The following MGAT5 variants were observed in gnomAD, a reference collection of about 807,000 sequenced individuals.
The protein encoded by MGAT5 is alpha-1,6-mannosylglycoprotein 6-beta-N-acetylglucosaminyltransferase A.
Under a neutral mutation model 94.3 loss-of-function variants are expected in MGAT5, and 30 were observed. The observed-to-expected ratio is 0.32, with a 90% CI of 0.24 to 0.43. MGAT5 has a LOEUF of 0.43. Ranked by LOEUF, MGAT5 falls within the 20% of genes least tolerant of loss-of-function variation. The pLI is 1.00. For synonymous variants in MGAT5, 310 were observed against 322.9 expected (o/e 0.96, Z 0.43); for missense variants, 691 against 905.5 (o/e 0.76, Z 3.04).
At chr2:134,121,950 G>C (rs1685615098) in intron 1 of MGAT5, among the ~76,000 whole-genome samples, 2 of 152,082 alleles carry the variant, frequency 1.3e-5, no homozygotes, top group Admixed American at 1.3e-4. Context: ...AGTTTTTCAT[G>C]AAGGGCAAAG....
At chr2:134,442,829 T>C (rs1685561852) in intron 15 of MGAT5, among the ~76,000 whole-genome samples, 1 of 145,136 alleles carries the variant, frequency 6.9e-6, no homozygotes, top group African/African-American at 2.5e-5. Flanking sequence ...ACCACCTTAG[T>C]AGCTCTGATT....
intron 1 of MGAT5, among the ~76,000 whole-genome samples, chr2:134,151,431 C>G (rs1352815515): frequency 5.6e-5 from 8 of 142,134 alleles, no homozygotes; most frequent in Non-Finnish European, 1.2e-4. Flanking sequence ...GGGACCCACT[C>G]ACCGCCATGG....
chr2:134,316,555 G>A (rs536909285), intron 2 of MGAT5, among the ~76,000 whole-genome samples: 4 of 152,212 alleles, frequency 2.6e-5, no homozygotes, highest in African/African-American at 7.2e-5. Flanking sequence ...CCATTAGACC[G>A]TAAGCTTCAT....
At chr2:134,396,639 G>C (rs559012656) in intron 10 of MGAT5, among the ~76,000 whole-genome samples, 23 of 152,344 alleles carry the variant, frequency 1.5e-4, no homozygotes, top group African/African-American at 5.5e-4. Context: ...GAAGGAATGT[G>C]CCGTGCCCGA....
At chr2:134,305,690 G>A (rs1686285935) in intron 2 of MGAT5, among the ~76,000 whole-genome samples, 1 of 152,124 alleles carries the variant, frequency 6.6e-6, no homozygotes. Context: ...ACCTCTCTTT[G>A]AGAGGTTGAA....
intron 1 of MGAT5, among the ~76,000 whole-genome samples, chr2:134,217,566 C>T (rs960517338): frequency 6.7e-4 from 102 of 152,264 alleles, no homozygotes; most frequent in African/African-American, 2.4e-3. Flanking sequence ...AGCAATTAAC[C>T]TCAGTAGGAA....
At chr2:134,361,147 GCTC>G (rs534026070) in intron 9 of MGAT5, among the ~76,000 whole-genome samples, 50 of 152,352 alleles carry the variant, frequency 3.3e-4, no homozygotes, top group African/African-American at 1.1e-3. Flanking sequence ...ATGGGAAATG[GCTC>G]CTCAGTCCTA....
At chr2:134,439,114 C>T (rs1685329630) in intron 14 of MGAT5, among the ~76,000 whole-genome samples, 1 of 152,166 alleles carries the variant, frequency 6.6e-6, no homozygotes, top group Non-Finnish European at 1.5e-5. Context: ...GAGAAGCTAG[C>T]ACCAAGTAAC....
At chr2:134,222,720 G>C (rs1484244462) in intron 1 of MGAT5, among the ~76,000 whole-genome samples, 1 of 152,250 alleles carries the variant, frequency 6.6e-6, no homozygotes, top group Non-Finnish European at 1.5e-5. Flanking sequence ...TTTTTCCTCC[G>C]CAGGACTCCC....
chr2:134,409,265 G>T (rs1683514462), intron 11 of MGAT5, among the ~76,000 whole-genome samples: 1 of 152,178 alleles, frequency 6.6e-6, no homozygotes, highest in South Asian at 2.1e-4. Flanking sequence ...GCAACCCCAT[G>T]AAATAAAGCA....
intron 1 of MGAT5, among the ~76,000 whole-genome samples, chr2:134,158,088 G>A (rs538723742): frequency 1.6e-4 from 25 of 152,282 alleles, no homozygotes; most frequent in African/African-American, 4.6e-4. Flanking sequence ...GTCCATGGGC[G>A]GCCATGGGCA....
intron 1 of MGAT5, among the ~76,000 whole-genome samples, chr2:134,173,471 C>T (rs1189037055): frequency 6.6e-6 from 1 of 152,164 alleles, no homozygotes; most frequent in Non-Finnish European, 1.5e-5. Context: ...TACTGTGCTG[C>T]GATTCTCACG....
chr2:134,378,130 T>A (rs1208670694), intron 10 of MGAT5, among the ~76,000 whole-genome samples: 1 of 152,218 alleles, frequency 6.6e-6, no homozygotes, highest in Non-Finnish European at 1.5e-5. Flanking sequence ...AAGTATGTTT[T>A]CTTTGGAGCT....
At position 134,245,775 on chromosome 2, in the gene MGAT5, T is replaced by C. The variant is rs188005000; in HGVS notation, c.-142-8487T>C. ...GAAGAGTGCATGTTCTGGACCCAGA[T>C]TCACCAGCCCTGTTACAGTGTTTGG... On this transcript the variant is annotated intron_variant, in intron 1 of 16. Coordinates refer to the MGAT5 transcript ENST00000409645. Among the ~76,000 whole-genome samples the C allele has an allele frequency of 2.4e-4, 36 of 152,320 alleles. No homozygotes were observed. In the East Asian group the frequency reaches 7.0e-3, roughly 29 times the overall value.
intron 9 of MGAT5, among the ~76,000 whole-genome samples, chr2:134,356,030 T>C (rs6722225): frequency 0.97 from 147,492 of 152,344 alleles, 71,486 homozygotes; most frequent in East Asian, 1. Context: ...AAACTATGTT[T>C]GTATAGTTTT....
chr2:134,343,522 A>G (rs1346846843), intron 7 of MGAT5, among the ~76,000 whole-genome samples: 1 of 152,204 alleles, frequency 6.6e-6, no homozygotes, highest in Non-Finnish European at 1.5e-5. Flanking sequence ...GTCTTTAAAT[A>G]TATCTGTACG....
At position 134,376,684 on chromosome 2, in the gene MGAT5, A is replaced by G. The variant is rs16830516; in HGVS notation, c.1380+14276A>G. The stretch of plus-strand genomic sequence containing the variant: ...AAGAAATTATCCCTCATCCTCATGC[A>G]GTGGCTCAGTGGAAGCAGCTGAAAC... On this transcript the variant is annotated intron_variant, in intron 10 of 15. Coordinates refer to ENST00000281923, the MANE Select transcript of MGAT5 (RefSeq NM_002410.5). Among the ~76,000 whole-genome samples, 1,080 of 152,324 alleles carry G rather than the reference A, an allele frequency of 7.1e-3. 14 individuals carry two copies. Among genetic ancestry groups the G allele is most frequent in the African/African-American group, 0.021 (891 of 41,568 alleles).
intron 12 of MGAT5, among the ~76,000 whole-genome samples, chr2:134,414,480 C>T (rs1393765367): frequency 6.6e-6 from 1 of 152,070 alleles, no homozygotes; most frequent in Non-Finnish European, 1.5e-5. Flanking sequence ...AATCATCCCT[C>T]GGGTTTTTTG....
chr2:134,382,849 A>G (rs2106211249), intron 10 of MGAT5, among the ~76,000 whole-genome samples: 1 of 152,366 alleles, frequency 6.6e-6, no homozygotes, highest in African/African-American at 2.4e-5. Context: ...TGTGCACATC[A>G]AATGTTGAGA....
Sources: allele counts gnomAD v4.1 joint callset (sites outside exome capture counted in the v4.1 genomes callset), GRCh38; gene constraint gnomAD v4.1.1; transcripts MANE v1.5; gene names NCBI Gene and HGNC (gene_info 2026-07-23, HGNC 2026-07-21).